Variants in DAB1 observed in about 807,000 individuals in gnomAD.
DAB1 encodes the protein disabled homolog 1.
In DAB1, 15 loss-of-function variants were observed where a neutral mutation model predicts 64.6. The observed-to-expected ratio is 0.23, with a 90% CI of 0.16 to 0.36. The LOEUF is 0.36. DAB1 is among the 10% of genes least tolerant of loss of function. The pLI is 1.00. For missense variants in DAB1, 596 were observed against 706.7 expected (o/e 0.84, Z 1.78); for synonymous variants, 235 against 251.9 (o/e 0.93, Z 0.64).
chr1:58,217,233 A>G (rs10889087), intron 4 of DAB1, among the ~76,000 whole-genome samples: 75,274 of 152,128 alleles, frequency 0.49, 21,430 homozygotes, highest in Middle Eastern at 0.67. Context: ...GTCCAAGTCT[A>G]CTTGGCTCCA....
At chr1:57,050,765 C>A (rs1248584005) in intron 9 of DAB1, among the ~76,000 whole-genome samples, 2 of 152,136 alleles carry the variant, frequency 1.3e-5, no homozygotes. Context: ...CTCCTTGAGA[C>A]CATGACAATT....
At chr1:57,880,543 C>G (rs1644128764) in intron 1 of DAB1, 1 of 152,142 alleles carries the variant, frequency 6.6e-6, no homozygotes, top group Non-Finnish European at 1.5e-5. Flanking sequence ...ACCACCCATC[C>G]CTATCGGAAT....
chr1:57,039,657 C>T (rs1647473819), intron 9 of DAB1, among the ~76,000 whole-genome samples: 1 of 152,188 alleles, frequency 6.6e-6, no homozygotes. Context: ...CTATCCATCC[C>T]TTATACCTAT....
chr1:58,200,041 G>A (rs996637256), intron 4 of DAB1, among the ~76,000 whole-genome samples: 1 of 152,154 alleles, frequency 6.6e-6, no homozygotes, highest in Non-Finnish European at 1.5e-5. Context: ...CCATTGGTCA[G>A]AACTCAGATG....
At chr1:57,980,903 A>G (rs1310853940) in intron 5 of DAB1, among the ~76,000 whole-genome samples, 2 of 150,350 alleles carry the variant, frequency 1.3e-5, no homozygotes, top group Admixed American at 6.6e-5. Flanking sequence ...GTATATATGT[A>G]TATATATATA....
chr1:58,251,254 G>T (rs1233204963), intron 4 of DAB1, among the ~76,000 whole-genome samples: 1 of 152,154 alleles, frequency 6.6e-6, no homozygotes, highest in African/African-American at 2.4e-5. Context: ...AAATATTTTT[G>T]TGTGCTTACT....
chr1:57,037,440 A>C (rs1570564376), intron 9 of DAB1, among the ~76,000 whole-genome samples: 1 of 152,340 alleles, frequency 6.6e-6, no homozygotes, highest in East Asian at 1.9e-4. Flanking sequence ...GACAAGGACC[A>C]CACAAGGCTT....
chr1:57,162,040 C>A (rs114054199), intron 2 of DAB1, among the ~76,000 whole-genome samples: 5,195 of 152,130 alleles, frequency 0.034, 295 homozygotes, highest in African/African-American at 0.12. Context: ...AAGATGTTTC[C>A]AATGAAAACA....
At chr1:57,192,328 G>GA (rs10714135) in intron 2 of DAB1, among the ~76,000 whole-genome samples, 3 of 142,736 alleles carry the variant, frequency 2.1e-5, no homozygotes, top group Admixed American at 6.9e-5. Context: ...CTCAAAAGCG[G>GA]AAAAAAAAAA....
chr1:57,971,203 T>C (rs180943977), intron 5 of DAB1, among the ~76,000 whole-genome samples: 1 of 152,332 alleles, frequency 6.6e-6, no homozygotes, highest in East Asian at 1.9e-4. Flanking sequence ...GCTGTCTGCC[T>C]TCAACAATTG....
chr1:57,007,907 A>G (rs1185321323), intron 14 of DAB1, among the ~76,000 whole-genome samples: 2 of 152,182 alleles, frequency 1.3e-5, no homozygotes, highest in East Asian at 3.8e-4. Context: ...TGGGATGGAG[A>G]TGGAAAGATT....
intron 1 of DAB1, among the ~76,000 whole-genome samples, chr1:57,348,109 A>G (rs1342338263): frequency 6.6e-6 from 1 of 152,228 alleles, no homozygotes; most frequent in Admixed American, 6.5e-5. Flanking sequence ...TTTACCTCGA[A>G]TAACATATCA....
chr1:57,125,424 C>T (rs1657049904), intron 4 of DAB1, among the ~76,000 whole-genome samples: 1 of 152,114 alleles, frequency 6.6e-6, no homozygotes, highest in South Asian at 2.1e-4. Context: ...TGTCAATCTG[C>T]ATAAGATATT....
At chr1:57,892,329 A>T (rs1231520364) in intron 5 of DAB1, among the ~76,000 whole-genome samples, 1 of 152,164 alleles carries the variant, frequency 6.6e-6, no homozygotes, top group Non-Finnish European at 1.5e-5. Context: ...ACCCCATGGA[A>T]TTAGGCACAT....
At chr1:57,694,712 C>T (rs1646803663) in intron 6 of DAB1, among the ~76,000 whole-genome samples, 1 of 152,064 alleles carries the variant, frequency 6.6e-6, no homozygotes, top group Admixed American at 6.5e-5. Flanking sequence ...TATTTTGGGA[C>T]ATTCCAAGAA....
intron 3 of DAB1, chr1:58,480,931 T>C (rs775119168): frequency 4.8e-6 from 4 of 834,716 alleles, no homozygotes; most frequent in Non-Finnish European, 8.2e-6. Context: ...GACTGCAACA[T>C]TCTTCATATA....
intron 1 of DAB1, chr1:58,527,432 T>C (rs1557454244): frequency 8.6e-6 from 6 of 695,752 alleles, no homozygotes; most frequent in Non-Finnish European, 1.6e-5. Context: ...TCATGGAGTA[T>C]CTAGGATAAA....
chr1:57,464,141 A>G (rs896259785), intron 7 of DAB1, among the ~76,000 whole-genome samples: 2 of 152,214 alleles, frequency 1.3e-5, no homozygotes, highest in East Asian at 3.9e-4. Flanking sequence ...GGATTTTCAA[A>G]TTAATCCTTA....
intron 6 of DAB1, among the ~76,000 whole-genome samples, chr1:57,772,621 C>A (rs528505421): frequency 1.3e-5 from 2 of 152,186 alleles, no homozygotes; most frequent in African/African-American, 4.8e-5. Flanking sequence ...TGGCTGTAAC[C>A]TTTACACTCC....
Sources: gnomAD v4.1 joint callset for allele counts (sites outside exome capture counted in the v4.1 genomes callset) on GRCh38, gnomAD v4.1.1 for gene constraint, MANE v1.5 for transcripts, NCBI Gene and HGNC (gene_info 2026-07-23, HGNC 2026-07-21) for gene names.